Variants in DNAH14 observed in about 807,000 individuals in gnomAD.
DNAH14 encodes dynein axonemal heavy chain 14.
A neutral mutation model predicts 520.9 loss-of-function variants in DNAH14; 478 were observed. The observed-to-expected ratio is 0.92, with a 90% CI of 0.85 to 0.99. DNAH14 has a LOEUF of 0.99. Among genes scored for constraint, DNAH14 ranks in the 50% least tolerant of loss-of-function variants. The probability of loss-of-function intolerance (pLI) is 0.00; values close to 1 mark genes in which losing one functional copy is unlikely to be tolerated. For missense variants in DNAH14, 4,831 were observed against 5,234.5 expected, an observed-to-expected ratio of 0.92 and a Z score of 2.38; for synonymous variants, 1,581 against 1,757.2, an observed-to-expected ratio of 0.90 and a Z score of 2.51.
chr1:225,055,755 A>G (rs1188760627), intron 17 of DNAH14, among the ~76,000 whole-genome samples: 2 of 137,582 alleles, frequency 1.5e-5, no homozygotes, highest in Admixed American at 8.3e-5. Context: ...CTCGTTGTTC[A>G]GTTCCCACCT....
chr1:225,022,108 G>A (rs958639401), intron 10 of DNAH14, among the ~76,000 whole-genome samples: 4 of 152,022 alleles, frequency 2.6e-5, no homozygotes, highest in African/African-American at 9.7e-5. Context: ...AACTCAAGAT[G>A]GATTAAAGAC....
At chr1:225,064,679 G>A (rs1421359083) in intron 17 of DNAH14, among the ~76,000 whole-genome samples, 1 of 151,914 alleles carries the variant, frequency 6.6e-6, no homozygotes, top group Non-Finnish European at 1.5e-5. Flanking sequence ...CCTACTATGT[G>A]ATTCCATGTA....
At position 225,273,170 on chromosome 1, in the gene DNAH14, C is replaced by G. The variant is rs546482659; in HGVS notation, c.8010+45C>G. Reference sequence around the variant, plus strand: ...ATTATTGGCCGGGTGTGGTGGCTTACGCCTGTAATCCCAGCACTTTGGGAG... The same window carrying G: ...ATTATTGGCCGGGTGTGGTGGCTTAGGCCTGTAATCCCAGCACTTTGGGAG... On this transcript the variant is annotated intron_variant, in intron 52 of 85. Transcript: ENST00000682510. The G allele has an allele frequency of 3.3e-6, 5 of 1,504,926 alleles. No homozygotes were observed. The African/African-American group carries it at 7.0e-5, about 21-fold the overall frequency. 93.2% of individuals were successfully genotyped at this position (1,504,926 alleles called of 1,614,324 possible).
At chr1:225,358,440 A>T (rs2095456189) in intron 73 of DNAH14, 56 bp from the exon 74 acceptor site, 1 of 1,345,712 alleles carries the variant, frequency 7.4e-7, no homozygotes, top group Non-Finnish European at 1.0e-6. Flanking sequence ...TACCATAGGG[A>T]ATATCTCTCT....
rs187288841 is a variant in DNAH14, at chr1:224,942,763, A to G, written c.-33-9907A>G. 4.6e-5 allele frequency among the ~76,000 whole-genome samples: 7 copies of G among 152,222 alleles called. No homozygotes were observed. The East Asian group carries it at 1.4e-3, about 29-fold the overall frequency. ...CCTTTTCACATCTATTGAGATAATC[A>G]TGTGGTTTTTGTCTTTGGTTCTGTT... is the stretch of plus-strand genomic sequence containing the variant. On this transcript the variant is annotated intron_variant, in intron 1 of 85. Coordinates refer to ENST00000682510, the MANE Select transcript of DNAH14 (RefSeq NM_001367479.1).
At chr1:225,042,243 G>A (rs1284687893) in intron 12 of DNAH14, among the ~76,000 whole-genome samples, 2 of 152,156 alleles carry the variant, frequency 1.3e-5, no homozygotes, top group Admixed American at 6.6e-5. Flanking sequence ...TAAGCATAAC[G>A]GATTATTTAT....
intron 54 of DNAH14, among the ~76,000 whole-genome samples, chr1:225,277,766 G>A (rs1276810666): frequency 6.6e-6 from 1 of 152,192 alleles, no homozygotes; most frequent in Non-Finnish European, 1.5e-5. Context: ...CAGTAGCTGT[G>A]CAGATGGATC....
intron 11 of DNAH14, 97 bp downstream of exon 11, chr1:225,023,962 T>C (rs2065905321): frequency 6.9e-7 from 1 of 1,439,508 alleles, no homozygotes; most frequent in Non-Finnish European, 9.1e-7. Context: ...AGCTAGAGTT[T>C]GAAAATTCTC....
At chr1:225,001,000 G>A (rs1010866477) in intron 8 of DNAH14, among the ~76,000 whole-genome samples, 1 of 151,922 alleles carries the variant, frequency 6.6e-6, no homozygotes, top group African/African-American at 2.4e-5. Context: ...GCTTCCCACT[G>A]ACCCTTTTTT....
At chr1:225,138,310 C>A (rs971438915) in intron 27 of DNAH14, among the ~76,000 whole-genome samples, 1 of 152,220 alleles carries the variant, frequency 6.6e-6, no homozygotes, top group Non-Finnish European at 1.5e-5. Context: ...CCGTTTCCCC[C>A]AAACCGCAGA....
At chr1:225,330,470 A>G (rs2094772232) in intron 64 of DNAH14, among the ~76,000 whole-genome samples, 1 of 152,214 alleles carries the variant, frequency 6.6e-6, no homozygotes, top group African/African-American at 2.4e-5. Context: ...GTATTATTCA[A>G]CCATTAAAAA....
chr1:225,170,430 C>T (rs1559167055), intron 36 of DNAH14, among the ~76,000 whole-genome samples: 1 of 151,946 alleles, frequency 6.6e-6, no homozygotes, highest in African/African-American at 2.4e-5. Context: ...GGGAGATCTA[C>T]CAAGCAAATG....
At chr1:225,373,111 C>CA (rs1169669306) in intron 77 of DNAH14, among the ~76,000 whole-genome samples, 3 of 140,926 alleles carry the variant, frequency 2.1e-5, no homozygotes, top group African/African-American at 7.7e-5. Context: ...AGCCACTGAA[C>CA]ATTGATAGCC....
At chr1:225,267,046 T>C (rs1412919873) in intron 49 of DNAH14, among the ~76,000 whole-genome samples, 2 of 152,210 alleles carry the variant, frequency 1.3e-5, no homozygotes, top group Non-Finnish European at 2.9e-5. Flanking sequence ...TAATGCTCAT[T>C]ATTGTTAACT....
At position 225,256,902 on chromosome 1, in the gene DNAH14, T is replaced by TA. The variant is rs756064729; in HGVS notation, c.6866-1058_6866-1057insA. ...AAAGACCAGGAGCCCATTTGCTATT[T>TA]TAAAAAAAAAACAGATAAAGACAGA... On this transcript the variant is annotated intron_variant, in intron 44 of 85. Coordinates refer to ENST00000682510, the MANE Select transcript of DNAH14 (RefSeq NM_001367479.1). 7.7e-3 allele frequency among the ~76,000 whole-genome samples: 1,167 copies of TA among 151,476 alleles called. 8 individuals are homozygous for TA. The highest frequency in any genetic ancestry group is 0.026 in the African/African-American group (1,060 of 41,294).
chr1:225,057,411 G>C (rs1271935510), intron 17 of DNAH14, among the ~76,000 whole-genome samples: 13 of 152,150 alleles, frequency 8.5e-5, no homozygotes, highest in Non-Finnish European at 1.9e-4. Context: ...TTGCCTATCA[G>C]CTTAAGGAGA....
rs552936812 is a variant in DNAH14 at position 225,337,513 on chromosome 1, G to A, written c.10311+17G>A. 5.2e-6 allele frequency: 8 copies of A among 1,541,228 alleles called. No homozygotes were observed. In the South Asian group the frequency reaches 7.2e-5, roughly 14 times the overall value. On this transcript the variant is annotated intron_variant, in intron 67 of 85. Coordinates refer to ENST00000682510, the MANE Select transcript of DNAH14 (RefSeq NM_001367479.1). ...CTCCTGCAGGTAAGTGGGCAGTATG[G>A]CCTAATTTCCCTTGCAGCTGATACA...
At chr1:225,342,994 C>T (rs1463841361) in intron 69 of DNAH14, among the ~76,000 whole-genome samples, 1 of 152,138 alleles carries the variant, frequency 6.6e-6, no homozygotes, top group Non-Finnish European at 1.5e-5. Flanking sequence ...GGAAGCAAGA[C>T]AGATCTGCCT....
chr1:225,215,225 G>A (rs77707988), intron 41 of DNAH14, among the ~76,000 whole-genome samples: 19,461 of 152,198 alleles, frequency 0.13, 1,406 homozygotes, highest in East Asian at 0.31. Flanking sequence ...GTTTTAGTGA[G>A]TTTGTTAATC....
Sources: gnomAD v4.1 joint callset for allele counts (sites outside exome capture counted in the v4.1 genomes callset) on GRCh38, gnomAD v4.1.1 for gene constraint, MANE v1.5 for transcripts, NCBI Gene and HGNC (gene_info 2026-07-23, HGNC 2026-07-21) for gene names.